TMEM198: variants seen among roughly 807,000 people sequenced by gnomAD.
The protein encoded by TMEM198 is transmembrane protein 198.
Under a neutral mutation model 31.5 loss-of-function variants are expected in TMEM198, and 21 were observed. That is an observed-to-expected ratio of 0.67 (90% CI 0.47 to 0.96). The LOEUF is 0.96. TMEM198 is among the 40% of genes least tolerant of loss of function. The probability of loss-of-function intolerance (pLI) is 0.00; values close to 1 mark genes in which losing one functional copy is unlikely to be tolerated. For missense variants in TMEM198, 447 were observed against 499.4 expected, an observed-to-expected ratio of 0.89 and a Z score of 1.00; for synonymous variants, 211 against 223.3, an observed-to-expected ratio of 0.95 and a Z score of 0.49.
At chr2:219,548,673 G>A (rs538887976) in intron 3 of TMEM198, among the ~76,000 whole-genome samples, 63 of 152,262 alleles carry the variant, frequency 4.1e-4, no homozygotes, top group Non-Finnish European at 8.4e-4. Flanking sequence ...TGGACCCTCT[G>A]GGTCATAAGA....
In TMEM198 at chr2:219,549,152, T is replaced by C. The variant is rs1695470730; in HGVS notation, c.743T>C (p.Val248Ala). 6.2e-7 allele frequency: 1 copy of C among 1,613,644 alleles called. No individual in the cohort carries two copies. The highest frequency in any genetic ancestry group is 1.3e-5 in the African/African-American group (1 of 74,924). The change falls in exon 4 of 5, where the codon GTG (valine) becomes GCG (alanine). Residue 248 changes from valine to alanine, a missense_variant and splice_region_variant. Physicochemically the swap from Val to Ala is moderately conservative, Grantham distance 64. Transcript: ENST00000373883. ...VTAEGDSHTE[V>A]VISRQRRRVQ... The stretch of plus-strand genomic sequence containing the variant: ...TCCTTCTCTACCCATCCCACCACAG[T>C]GGTCATCAGCCGGCAGCGCCGACGC...
chr2:219,544,646 G>C (rs1345224810), intron 1 of TMEM198, 43 bp from the exon 2 acceptor site: 1 of 1,529,292 alleles, frequency 6.5e-7, no homozygotes, highest in Non-Finnish European at 8.9e-7. Flanking sequence ...CATCCTGGTG[G>C]GGACCCAGGA....
Position 219,550,054 on chromosome 2 carries a change from T to G in TMEM198, c.*200T>G. 1.5e-6 allele frequency: 1 copy of G among 681,318 alleles called. No individual in the cohort carries two copies. 42.2% of individuals were successfully genotyped at this position (681,318 alleles called of 1,614,324 possible). ...CCCTCCCAAGCTCCCAAGAGGCTCC[T>G]GAGGAACTCGGGGTGTGAACCCCAT... On this transcript the variant is annotated 3_prime_UTR_variant, in exon 5 of 5. Transcript: ENST00000373883.
At chr2:219,549,035 G>A (rs1377000845) in intron 3 of TMEM198, 117 bp from the exon 4 acceptor site, 1 of 1,103,368 alleles carries the variant, frequency 9.1e-7, no homozygotes, top group East Asian at 2.4e-5. Flanking sequence ...GGGAGTAAGG[G>A]GTTATGGACA....
rs571825280 is a variant in TMEM198 at position 219,550,428 on chromosome 2, G to A, written c.*574G>A. 206 of 213,370 alleles carry A rather than the reference G, an allele frequency of 9.7e-4. No homozygotes were observed. Among genetic ancestry groups the A allele is most frequent in the Middle Eastern group, 1.8e-3 (1 of 564 alleles). The allele number at this position is 213,370 out of a possible 1,614,324, so 13.2% of individuals were successfully genotyped here. A position where few individuals can be genotyped will look rare whatever the true frequency, so the allele number is the denominator to read the frequency against. ...AGTGGCAGGAGATGGGGGTGGGGGG[G>A]TGCTGCTCTGGGCTGGGTTGGGAAG... On this transcript the variant is annotated 3_prime_UTR_variant, in exon 5 of 5. Coordinates refer to ENST00000373883, the MANE Select transcript of TMEM198 (RefSeq NM_001005209.3).
chr2:219,546,424 G>A (rs144887862), intron 2 of TMEM198, among the ~76,000 whole-genome samples: 1 of 152,086 alleles, frequency 6.6e-6, no homozygotes, highest in African/African-American at 2.4e-5. Context: ...CTCCAGTTAT[G>A]TCATTACCTT....
upstream of TMEM198, chr2:219,543,800 G>A (rs957842720): frequency 2.2e-6 from 1 of 450,104 alleles, no homozygotes; most frequent in East Asian, 3.7e-5. Flanking sequence ...GCTGTCCGAC[G>A]TGTCACTGCA....
chr2:219,544,421 C>T, intron 1 of TMEM198, 44 bp downstream of exon 1: 1 of 541,536 alleles, frequency 1.8e-6, no homozygotes, highest in Non-Finnish European at 3.5e-6. Context: ...ACAGATGAAT[C>T]TCTTGGCTGC....
chr2:219,548,960 A>T (rs1046640733), intron 3 of TMEM198, 192 bp from the exon 4 acceptor site: 4 of 615,880 alleles, frequency 6.5e-6, no homozygotes, highest in Non-Finnish European at 1.1e-5. Context: ...GACCTATGGA[A>T]GAAAAGAACA....
chr2:219,544,991 G>T lies in TMEM198; in HGVS notation c.166+98G>T, dbSNP rs1695363145. ...CTTCTCTGAATCCCTCTACCATCATGAATAATTCTTCCTTTTCTTTCATCC... is the reference window on the plus strand; with the variant it reads ...CTTCTCTGAATCCCTCTACCATCATTAATAATTCTTCCTTTTCTTTCATCC... On this transcript the variant is annotated intron_variant, in intron 2 of 4. Transcript: ENST00000373883. 5.1e-6 allele frequency: 7 copies of T among 1,367,654 alleles called. No homozygotes were observed. The South Asian group carries it at 6.7e-5, about 13-fold the overall frequency. 84.7% of individuals were successfully genotyped at this position (1,367,654 alleles called of 1,614,324 possible). A position where few individuals can be genotyped will look rare whatever the true frequency, so the allele number is the denominator to read the frequency against.
rs749749652 is a variant in TMEM198, at chr2:219,549,033, G to T, written c.743-119G>T. The stretch of plus-strand genomic sequence containing the variant: ...AAAGGAAGTGACAGGGTGGGAGTAA[G>T]GGGTTATGGACAAGAGGAATCTGGA... On this transcript the variant is annotated intron_variant, in intron 3 of 4. Coordinates refer to ENST00000373883, the MANE Select transcript of TMEM198 (RefSeq NM_001005209.3). 2.8e-6 allele frequency: 3 copies of T among 1,080,760 alleles called. No homozygotes were observed. The Admixed American group carries it at 6.1e-5, about 22-fold the overall frequency. 66.9% of individuals were successfully genotyped at this position (1,080,760 alleles called of 1,614,324 possible).
chr2:219,546,778 CTTTTT>C (rs397987890), intron 2 of TMEM198, among the ~76,000 whole-genome samples: 19 of 127,284 alleles, frequency 1.5e-4, no homozygotes, highest in East Asian at 4.4e-4. Context: ...TCTCAAGTTT[CTTTTT>C]TTTTTTTTTT....
At chr2:219,543,900 G>A (rs532408286), upstream of TMEM198, 13 of 342,436 alleles carry the variant, frequency 3.8e-5, no homozygotes, top group African/African-American at 2.9e-4. Context: ...CCCCGGAAGT[G>A]CCCCCTCCTC....
intron 3 of TMEM198, among the ~76,000 whole-genome samples, chr2:219,548,473 G>T (rs1381127251): frequency 6.6e-6 from 1 of 152,220 alleles, no homozygotes; most frequent in Non-Finnish European, 1.5e-5. Context: ...TAGAGTTAGG[G>T]TGGTCAGGGA....
intron 3 of TMEM198, among the ~76,000 whole-genome samples, chr2:219,548,784 C>CCAAG (rs1370033631): frequency 3.3e-5 from 5 of 152,126 alleles, no homozygotes; most frequent in Non-Finnish European, 7.4e-5. Context: ...GATGCTCATT[C>CCAAG]TGCTGCCGAG....
At position 219,549,968 on chromosome 2, in the gene TMEM198, G is replaced by T; in HGVS notation, c.*114G>T. 7.1e-7 allele frequency: 1 copy of T among 1,399,364 alleles called. No individual in the cohort carries two copies. The allele number at this position is 1,399,364 out of a possible 1,614,324, so 86.7% of individuals were successfully genotyped here. ...TGTCCCTCTCCCCAGCCTGGAGAGG[G>T]CTGGCCTGGTCACTAGAAGGGAGGA... On this transcript the variant is annotated 3_prime_UTR_variant, in exon 5 of 5. Coordinates refer to ENST00000373883, the MANE Select transcript of TMEM198 (RefSeq NM_001005209.3).
At chr2:219,546,416 C>T (rs553173288) in intron 2 of TMEM198, among the ~76,000 whole-genome samples, 1 of 152,260 alleles carries the variant, frequency 6.6e-6, no homozygotes, top group African/African-American at 2.4e-5. Flanking sequence ...CCTCTCACCT[C>T]CAGTTATGTC....
rs1385868913 is a variant in TMEM198 at position 219,548,070 on chromosome 2, C to A, written c.731C>A (p.Ser244Tyr). ...VQWRVTAEGD[S>Y]HTEVVISRQR... ...TGGAGGGTGACAGCTGAGGGGGACT[C>A]CCACACGGAAGGTAAGGGGGCACAG... is the stretch of plus-strand genomic sequence containing the variant. Residue 244 changes from serine to tyrosine, a missense_variant, in exon 3 of 5, where the codon TCC becomes TAC. Ser to Tyr is a moderately radical substitution (Grantham distance 144). Transcript: ENST00000373883. The A allele has an allele frequency of 7.7e-6, 12 of 1,558,246 alleles. No homozygotes were observed. Among genetic ancestry groups the A allele is most frequent in the Non-Finnish European group, 1.0e-5 (12 of 1,152,722 alleles).
Position 219,550,347 on chromosome 2 carries a change from C to T in TMEM198, c.*493C>T, listed in dbSNP as rs1022081612. On this transcript the variant is annotated 3_prime_UTR_variant, in exon 5 of 5. Coordinates refer to ENST00000373883, the MANE Select transcript of TMEM198 (RefSeq NM_001005209.3). ...TTCTTGTCCTTGTCTATGGGGCAAACTGTAGCATCCCTCACCCTGGTCCCC... is the reference window on the plus strand; with the variant it reads ...TTCTTGTCCTTGTCTATGGGGCAAATTGTAGCATCCCTCACCCTGGTCCCC... 2.6e-5 allele frequency: 5 copies of T among 190,558 alleles called. No individual in the cohort carries two copies. Among genetic ancestry groups the T allele is most frequent in the African/African-American group, 9.4e-5 (4 of 42,692 alleles). 11.8% of individuals were successfully genotyped at this position (190,558 alleles called of 1,614,324 possible).
Sources: allele counts gnomAD v4.1 joint callset (sites outside exome capture counted in the v4.1 genomes callset), GRCh38; gene constraint gnomAD v4.1.1; transcripts MANE v1.5; gene names NCBI Gene and HGNC (gene_info 2026-07-23, HGNC 2026-07-21).